The following MYRIP variants were observed in gnomAD, a reference collection of about 807,000 sequenced individuals.
MYRIP encodes the protein myosin VIIA and Rab interacting protein, also known as rab effector MyRIP.
Under a neutral mutation model 98.0 loss-of-function variants are expected in MYRIP, and 49 were observed. The ratio of observed to expected loss-of-function variants is 0.50; its 90% CI spans 0.40 to 0.63. The LOEUF (loss-of-function observed/expected upper bound fraction) is 0.63. Ranked by LOEUF, MYRIP falls within the 30% of genes least tolerant of loss-of-function variation. The probability of loss-of-function intolerance (pLI) is 0.00; values close to 1 mark genes in which losing one functional copy is unlikely to be tolerated. For missense variants in MYRIP, 1,004 were observed against 1,058.2 expected (o/e 0.95, Z 0.71); for synonymous variants, 404 against 409.5 (o/e 0.99, Z 0.16).
rs1394162269 is a variant in MYRIP, at chr3:40,190,441, T to C, written c.1643T>C (p.Leu548Pro). 1 of 1,598,712 alleles carries C rather than the reference T, an allele frequency of 6.3e-7. No individual in the cohort carries two copies. The highest frequency in any genetic ancestry group is 8.5e-7 in the Non-Finnish European group (1 of 1,172,604). Residue 548 changes from leucine (L) to proline (P), a missense_variant, in exon 10 of 17, where the codon CTC (leucine) becomes CCC (proline). Transcript: ENST00000302541. ...GAACCATCTTCCCCCAGCGCCCAGC[T>C]CCGGGATCTAGACACACATCAGGTA... ...SKEPSSPSAQ[L>P]RDLDTHQVSD... is the part of the protein sequence containing the mutation.
chr3:39,929,451 C>T (rs890835460), intron 2 of MYRIP, among the ~76,000 whole-genome samples: 10 of 152,028 alleles, frequency 6.6e-5, no homozygotes, highest in African/African-American at 2.2e-4. Context: ...GAATAAAGTG[C>T]GACCAATAGG....
At chr3:39,990,236 G>T (rs746535378) in intron 2 of MYRIP, among the ~76,000 whole-genome samples, 1 of 152,302 alleles carries the variant, frequency 6.6e-6, no homozygotes, top group East Asian at 1.9e-4. Flanking sequence ...TGGCTGGGGG[G>T]AGTGGACTCC....
At chr3:40,122,559 A>G (rs913745004) in intron 3 of MYRIP, among the ~76,000 whole-genome samples, 1 of 151,858 alleles carries the variant, frequency 6.6e-6, no homozygotes, top group Non-Finnish European at 1.5e-5. Context: ...TAGATACATA[A>G]TTAAACACAT....
At chr3:40,022,218 GA>G in intron 2 of MYRIP, among the ~76,000 whole-genome samples, 1 of 152,304 alleles carries the variant, frequency 6.6e-6, no homozygotes, top group Non-Finnish European at 1.5e-5. Flanking sequence ...TACTAGGGAC[GA>G]AGGTGGCCAT....
chr3:39,940,369 T>C (rs901783860), intron 2 of MYRIP, among the ~76,000 whole-genome samples: 1 of 152,086 alleles, frequency 6.6e-6, no homozygotes, highest in Non-Finnish European at 1.5e-5. Context: ...GAAAAGGAAG[T>C]GTTGTAGAAA....
intron 3 of MYRIP, among the ~76,000 whole-genome samples, chr3:40,084,776 A>ATATC (rs68163986): frequency 0.054 from 1,071 of 20,006 alleles, 202 homozygotes; most frequent in African/African-American, 0.11. Context: ...TAGATAATAT[A>ATATC]TATGTGTTAC....
chr3:40,213,078 G>T (rs1484707259), intron 11 of MYRIP, among the ~76,000 whole-genome samples: 1 of 152,174 alleles, frequency 6.6e-6, no homozygotes, highest in Non-Finnish European at 1.5e-5. Context: ...CTGGTCTCCT[G>T]ACCCTGCAGG....
chr3:40,127,946 T>C (rs1203509369), intron 3 of MYRIP, among the ~76,000 whole-genome samples: 1 of 152,186 alleles, frequency 6.6e-6, no homozygotes, highest in East Asian at 1.9e-4. Flanking sequence ...GCCTCACCAT[T>C]TTCTCCCAGG....
At chr3:39,955,071 G>A (rs1945121302) in intron 2 of MYRIP, among the ~76,000 whole-genome samples, 1 of 152,166 alleles carries the variant, frequency 6.6e-6, no homozygotes, top group Admixed American at 6.5e-5. Flanking sequence ...AAAGTGACGG[G>A]GAGAATGAAA....
At chr3:40,176,775 G>A (rs533748982) in intron 8 of MYRIP, among the ~76,000 whole-genome samples, 19 of 151,760 alleles carry the variant, frequency 1.3e-4, no homozygotes, top group Non-Finnish European at 1.9e-4. Flanking sequence ...TGGGTGTGGT[G>A]GTGGGCACCT....
chr3:40,238,185 T>C (rs2125705376), intron 12 of MYRIP, among the ~76,000 whole-genome samples: 1 of 152,312 alleles, frequency 6.6e-6, no homozygotes, highest in East Asian at 1.9e-4. Flanking sequence ...CTTCAGCTTT[T>C]TAAATTTCAC....
At chr3:40,108,286 G>T (rs1029095699) in intron 3 of MYRIP, among the ~76,000 whole-genome samples, 50 of 150,688 alleles carry the variant, frequency 3.3e-4, no homozygotes, top group Non-Finnish European at 5.2e-4. Flanking sequence ...AAAAGACAGA[G>T]TTTATAATTT....
At chr3:39,942,549 T>C (rs993335101) in intron 2 of MYRIP, among the ~76,000 whole-genome samples, 4 of 152,142 alleles carry the variant, frequency 2.6e-5, no homozygotes, top group African/African-American at 9.7e-5. Flanking sequence ...GATGTGTATA[T>C]TTTGGGCGTA....
chr3:39,809,867 C>A lies in MYRIP; in HGVS notation c.-80C>A, dbSNP rs1036827360. 2 of 152,354 alleles carry A rather than the reference C, an allele frequency of 1.3e-5. No homozygotes were observed. Among genetic ancestry groups the A allele is most frequent in the African/African-American group, 4.8e-5 (2 of 41,478 alleles). The allele number at this position is 152,354 out of a possible 1,614,324, so 9.4% of individuals were successfully genotyped here. On this transcript the variant is annotated 5_prime_UTR_variant, in exon 1 of 17. Coordinates refer to ENST00000302541, the MANE Select transcript of MYRIP (RefSeq NM_015460.4). ...CTGAGGCGCGGTGGCCTGAGCCCGG[C>A]CGCCATCGATGACCCCGGTCGCGGA...
chr3:39,906,728 T>C (rs1943888050), intron 2 of MYRIP, among the ~76,000 whole-genome samples: 1 of 152,168 alleles, frequency 6.6e-6, no homozygotes, highest in Admixed American at 6.5e-5. Flanking sequence ...TTTCTACTAG[T>C]ATTTGAGTGG....
intron 2 of MYRIP, among the ~76,000 whole-genome samples, chr3:39,996,360 A>C (rs1398062680): frequency 3.9e-5 from 6 of 152,096 alleles, no homozygotes; most frequent in Non-Finnish European, 8.8e-5. Flanking sequence ...AATGGAAAAC[A>C]AAAAAAGGCA....
intron 3 of MYRIP, among the ~76,000 whole-genome samples, chr3:40,060,159 A>T (rs969864334): frequency 6.6e-5 from 10 of 152,224 alleles, no homozygotes; most frequent in African/African-American, 2.2e-4. Flanking sequence ...AAAAAAAAAA[A>T]TTTTACAAGG....
chr3:39,860,900 C>G (rs992051667), intron 1 of MYRIP, among the ~76,000 whole-genome samples: 1 of 152,234 alleles, frequency 6.6e-6, no homozygotes, highest in Non-Finnish European at 1.5e-5. Context: ...TACCTGCCAG[C>G]ACCCCATTCC....
intron 2 of MYRIP, among the ~76,000 whole-genome samples, chr3:40,025,025 A>C (rs376745682): frequency 2.0e-5 from 3 of 152,336 alleles, no homozygotes; most frequent in African/African-American, 7.2e-5. Flanking sequence ...TGCCAAAAAA[A>C]GAAACCAAGG....
Sources: gnomAD v4.1 joint callset for allele counts (sites outside exome capture counted in the v4.1 genomes callset) on GRCh38, gnomAD v4.1.1 for gene constraint, MANE v1.5 for transcripts, NCBI Gene and HGNC (gene_info 2026-07-23, HGNC 2026-07-21) for gene names.